AXIN1: variants seen among roughly 807,000 people sequenced by gnomAD.
The protein encoded by AXIN1 is axin-1.
AXIN1 carries 30 observed loss-of-function variants against 76.4 expected under a neutral mutation model. The observed-to-expected ratio is 0.39, with a 90% CI of 0.29 to 0.53. The LOEUF (loss-of-function observed/expected upper bound fraction) is 0.53, where lower values mean the gene tolerates loss of function less well. Ranked by LOEUF, AXIN1 falls within the 20% of genes least tolerant of loss-of-function variation. The pLI, the probability that AXIN1 is intolerant of heterozygous loss-of-function variation, is 0.66. For missense variants in AXIN1, 1,140 were observed against 1,198.8 expected, an observed-to-expected ratio of 0.95 and a Z score of 0.72; for synonymous variants, 545 against 501.4, an observed-to-expected ratio of 1.09 and a Z score of -1.16.
At chr16:332,985 G>C (rs2053725035) in intron 2 of AXIN1, among the ~76,000 whole-genome samples, 1 of 152,154 alleles carries the variant, frequency 6.6e-6, no homozygotes. Context: ...TGGAGCTTGA[G>C]ACCAGCCTGG....
rs2141572377 is a variant in AXIN1, at chr16:309,960, A to G, written c.1116+13T>C. The G allele has an allele frequency of 6.2e-7, 1 of 1,612,798 alleles. No individual in the cohort carries two copies. Among genetic ancestry groups the G allele is most frequent in the Non-Finnish European group, 8.5e-7 (1 of 1,179,570 alleles). On this transcript the variant is annotated intron_variant, in intron 4 of 10. Transcript: ENST00000262320. ...GAGGACGATGGGCTGAGGACCGCAA[A>G]GCCGGTACTTACGGGAATGTGAGGT...
At position 298,369 on chromosome 16, in the gene AXIN1, C is replaced by T. The variant is rs537608812; in HGVS notation, c.1255-118G>A. ...AGATGCCGTCCCAGCCCAGGGTGGCCGGGGGCCCCTCGCCACCGGTCCTGT... is the reference window on the plus strand; with the variant it reads ...AGATGCCGTCCCAGCCCAGGGTGGCTGGGGGCCCCTCGCCACCGGTCCTGT... On this transcript the variant is annotated intron_variant, in intron 5 of 10. Transcript: ENST00000262320. 708 of 1,390,170 alleles carry T rather than the reference C, an allele frequency of 5.1e-4. 4 individuals carry two copies. In the African/African-American group the frequency reaches 9.1e-3, roughly 18 times the overall value. The allele number at this position is 1,390,170 out of a possible 1,614,324, so 86.1% of individuals were successfully genotyped here.
In AXIN1 at chr16:297,216, C is replaced by T. The variant is rs1168898482; in HGVS notation, c.1795G>A (p.Gly599Ser). The stretch of plus-strand genomic sequence containing the variant: ...TTGGCATTTCTTTTGCACGCCACGC[C>T]CACCTTCCCACTGCAAGGGCAAGAG... ...SDGLAHSGKV[G>S]VACKRNAKKA... is the part of the protein sequence containing the mutation. The change falls in exon 7 of 11, where the codon GGC becomes AGC. Residue 599 changes from glycine to serine, a missense_variant. Transcript: ENST00000262320. 1.9e-6 allele frequency: 3 copies of T among 1,606,416 alleles called. No homozygotes were observed. The highest frequency in any genetic ancestry group is 2.5e-6 in the Non-Finnish European group (3 of 1,179,892).
chr16:350,140 T>C (rs1196088528), intron 1 of AXIN1, among the ~76,000 whole-genome samples: 1 of 152,124 alleles, frequency 6.6e-6, no homozygotes, highest in African/African-American at 2.4e-5. Context: ...CAGAAGAAAA[T>C]TTTCTTACAA....
rs2141516450 is a variant in AXIN1 at position 298,232 on chromosome 16, C to A, written c.1274G>T (p.Gly425Val). ...CCCTGGGGGCCCTGACGATGGATCG[C>A]CGTCCTCACCTTCCTCCTCCTGTGT... is the stretch of plus-strand genomic sequence containing the variant. ...RVRMEEEGED[G>V]DPSSGPPGPC... is the part of the protein sequence containing the mutation. The change falls in exon 6 of 11, where the codon GGC becomes GTC. Residue 425 changes from glycine to valine, a missense_variant. Physicochemically the swap from Gly to Val is moderately radical, Grantham distance 109. Around this residue, in one of 3 missense-constraint regions of AXIN1, gnomAD observed 708 missense variants for 776.9 expected, o/e 0.91. Transcript: ENST00000262320. The A allele has an allele frequency of 6.5e-7, 1 of 1,539,672 alleles. No homozygotes were observed. Among genetic ancestry groups the A allele is most frequent in the Non-Finnish European group, 8.7e-7 (1 of 1,147,092 alleles).
intron 2 of AXIN1, among the ~76,000 whole-genome samples, chr16:343,706 C>CA (rs58687675): frequency 0.029 from 3,912 of 136,986 alleles, 169 homozygotes; most frequent in African/African-American, 0.1. Flanking sequence ...CCATCTCAAA[C>CA]AAAAAAACAA....
intron 2 of AXIN1, among the ~76,000 whole-genome samples, chr16:343,373 G>A (rs2053967113): frequency 6.6e-6 from 1 of 152,174 alleles, no homozygotes; most frequent in Admixed American, 6.5e-5. Context: ...TTTTCCTCCT[G>A]CAGCCCAGCC....
chr16:350,144 C>T (rs1321379920), intron 1 of AXIN1, among the ~76,000 whole-genome samples: 1 of 152,182 alleles, frequency 6.6e-6, no homozygotes. Flanking sequence ...AGAAAATTTT[C>T]TTACAATCAT....
At chr16:341,215 G>C (rs2053911455) in intron 2 of AXIN1, among the ~76,000 whole-genome samples, 2 of 152,272 alleles carry the variant, frequency 1.3e-5, no homozygotes, top group African/African-American at 4.8e-5. Flanking sequence ...GCCCCTTTCT[G>C]GGCTGGCCAA....
chr16:309,932 G>A lies in AXIN1; in HGVS notation c.1116+41C>T, dbSNP rs191442698. 8,596 of 1,595,222 alleles carry A rather than the reference G, an allele frequency of 5.4e-3. 69 individuals carry two copies. The highest frequency in any genetic ancestry group is 0.02 in the Admixed American group (1,209 of 59,788). On this transcript the variant is annotated intron_variant, in intron 4 of 10. Transcript: ENST00000262320. Reference sequence around the variant, plus strand: ...CCAGTTCACCAGGCCCACGCTGAGCGGGGAGGACGATGGGCTGAGGACCGC... The same window carrying A: ...CCAGTTCACCAGGCCCACGCTGAGCAGGGAGGACGATGGGCTGAGGACCGC...
chr16:340,144 C>G (rs1322954424), intron 2 of AXIN1, among the ~76,000 whole-genome samples: 1 of 152,156 alleles, frequency 6.6e-6, no homozygotes, highest in Non-Finnish European at 1.5e-5. Flanking sequence ...TCCTCACGCA[C>G]CCCTGCGGGA....
At chr16:307,339 C>T (rs934727487) in intron 4 of AXIN1, among the ~76,000 whole-genome samples, 9 of 152,172 alleles carry the variant, frequency 5.9e-5, no homozygotes, top group Admixed American at 1.3e-4. Flanking sequence ...ATCAGATTTA[C>T]AGAGAATGGC....
At chr16:324,027 G>A (rs1365740820) in intron 2 of AXIN1, among the ~76,000 whole-genome samples, 1 of 152,142 alleles carries the variant, frequency 6.6e-6, no homozygotes, top group African/African-American at 2.4e-5. Context: ...CCTGTCCATG[G>A]GAAGCCCCGT....
chr16:330,066 C>T (rs557032476), intron 2 of AXIN1, among the ~76,000 whole-genome samples: 1 of 143,972 alleles, frequency 6.9e-6, no homozygotes, highest in South Asian at 2.2e-4. Context: ...GTGCCCGGCC[C>T]TTTTTTTTTT....
intron 7 of AXIN1, among the ~76,000 whole-genome samples, chr16:295,329 C>T (rs1596988138): frequency 1.3e-5 from 2 of 151,930 alleles, no homozygotes. Context: ...AGTCTGGTCT[C>T]GAACTCCGGA....
At chr16:288,372 C>G in intron 10 of AXIN1, 124 bp from the exon 11 acceptor site, 1 of 1,423,782 alleles carries the variant, frequency 7.0e-7, no homozygotes, top group South Asian at 1.2e-5. Flanking sequence ...CCCACGGCCC[C>G]CACTGCATGT....
intron 5 of AXIN1, among the ~76,000 whole-genome samples, chr16:303,600 T>G (rs1301706424): frequency 6.6e-6 from 1 of 152,062 alleles, no homozygotes; most frequent in Non-Finnish European, 1.5e-5. Flanking sequence ...CAGGCTGGTC[T>G]CAAACTCCTG....
intron 2 of AXIN1, among the ~76,000 whole-genome samples, chr16:344,425 A>G (rs1269525614): frequency 5.0e-5 from 5 of 100,832 alleles, no homozygotes; most frequent in Non-Finnish European, 7.4e-5. Context: ...GCAAGACTCC[A>G]TCTCAAAAAA....
intron 2 of AXIN1, among the ~76,000 whole-genome samples, chr16:335,870 GA>G (rs1567299985): frequency 6.6e-6 from 1 of 151,744 alleles, no homozygotes; most frequent in African/African-American, 2.4e-5. Context: ...ATTTAAGTTG[GA>G]AAGTAAAATA....
Sources: gnomAD v4.1 joint callset for allele counts (sites outside exome capture counted in the v4.1 genomes callset) on GRCh38, gnomAD v4.1.1 for gene constraint, gnomAD v4.1.1 regional missense constraint, MANE v1.5 for transcripts, NCBI Gene and HGNC (gene_info 2026-07-23, HGNC 2026-07-21) for gene names.